The following BRCA2 variants were observed in gnomAD, a reference collection of about 807,000 sequenced individuals.
BRCA2 encodes the protein breast cancer type 2 susceptibility protein.
A neutral mutation model predicts 276.7 loss-of-function variants in BRCA2; 203 were observed. That is an observed-to-expected ratio of 0.73 (90% CI 0.65 to 0.82). The LOEUF is 0.82. Among genes scored for constraint, BRCA2 ranks in the 40% least tolerant of loss-of-function variants. BRCA2 has a pLI of 0.00. For missense variants in BRCA2, 3,920 were observed against 3,915.0 expected (o/e 1.00, Z -0.03); for synonymous variants, 1,289 against 1,338.4 (o/e 0.96, Z 0.81).
intron 16 of BRCA2, among the ~76,000 whole-genome samples, chr13:32,358,255 C>T (rs2072714652): frequency 6.6e-6 from 1 of 151,730 alleles, no homozygotes. Flanking sequence ...GCGGGTAGAT[C>T]ACCTGAGGTC....
intron 14 of BRCA2, among the ~76,000 whole-genome samples, chr13:32,355,807 G>A (rs554209012): frequency 3.3e-5 from 5 of 152,016 alleles, no homozygotes; most frequent in Admixed American, 1.3e-4. Flanking sequence ...TTGAACCCGG[G>A]AGGCAGAGGT....
At chr13:32,372,385 G>A (rs1252392675) in intron 20 of BRCA2, among the ~76,000 whole-genome samples, 2 of 152,192 alleles carry the variant, frequency 1.3e-5, no homozygotes, top group African/African-American at 4.8e-5. Flanking sequence ...CTAAAGGAAA[G>A]AAGCTTAATT....
intron 18 of BRCA2, among the ~76,000 whole-genome samples, chr13:32,364,219 T>C (rs2072765933): frequency 6.6e-6 from 1 of 152,198 alleles, no homozygotes; most frequent in Admixed American, 6.5e-5. Context: ...TTGCAGTGGC[T>C]TTCATTTTCT....
rs536781751 is a variant in BRCA2, at chr13:32,375,662, G to A, written c.8633-1008G>A. Among the ~76,000 whole-genome samples the A allele has an allele frequency of 2.1e-3, 312 of 151,404 alleles. 1 individual carries two copies. The highest frequency in any genetic ancestry group is 0.016 in the South Asian group (79 of 4,808). ...AGCAACCTCTGCCTCCCAGGTTCAAGCAATTCTCCTGCCTCAGCCTCCGGA... is the reference window on the plus strand; with the variant it reads ...AGCAACCTCTGCCTCCCAGGTTCAAACAATTCTCCTGCCTCAGCCTCCGGA... On this transcript the variant is annotated intron_variant, in intron 20 of 26. Coordinates refer to ENST00000380152, the MANE Select transcript of BRCA2 (RefSeq NM_000059.4).
chr13:32,325,962 T>G, intron 4 of BRCA2, 139 bp from the exon 5 acceptor site: 1 of 777,720 alleles, frequency 1.3e-6, no homozygotes, highest in South Asian at 1.9e-5. Flanking sequence ...GAGATTTACT[T>G]TTTAAAATGT....
At chr13:32,384,678 G>A in intron 24 of BRCA2, 1 of 230,504 alleles carries the variant, frequency 4.3e-6, no homozygotes, top group Non-Finnish European at 9.7e-6. Flanking sequence ...AAATGCTGAT[G>A]ATCATCAGGT....
In BRCA2 at chr13:32,377,318, G is replaced by A. The variant is rs559756056; in HGVS notation, c.8754+527G>A. On this transcript the variant is annotated intron_variant, in intron 21 of 26. Coordinates refer to ENST00000380152, the MANE Select transcript of BRCA2 (RefSeq NM_000059.4). ...ATGACAATAAAATAGCTGGCCAGGC[G>A]CGGTGGCTCACGCCTATAATCCCAG... 8.6e-4 allele frequency among the ~76,000 whole-genome samples: 131 copies of A among 152,252 alleles called. 1 individual carries two copies. Among genetic ancestry groups the A allele is most frequent in the Non-Finnish European group, 1.0e-3 (69 of 68,002 alleles).
intron 13 of BRCA2, among the ~76,000 whole-genome samples, chr13:32,353,730 A>G (rs569564161): frequency 1.3e-5 from 2 of 152,380 alleles, no homozygotes; most frequent in African/African-American, 2.4e-5. Context: ...ACGGATAACT[A>G]AAGGAACAAC....
At chr13:32,351,631 G>A (rs1343666303) in intron 13 of BRCA2, among the ~76,000 whole-genome samples, 1 of 152,034 alleles carries the variant, frequency 6.6e-6, no homozygotes, top group African/African-American at 2.4e-5. Flanking sequence ...TTTTCTGTAG[G>A]GGTACTTCAA....
rs786202002 is a variant in BRCA2, at chr13:32,341,079, G to A, written c.6724G>A (p.Asp2242Asn). 1.2e-6 allele frequency: 2 copies of A among 1,613,826 alleles called. No individual in the cohort carries two copies. The highest frequency in any genetic ancestry group is 1.3e-5 in the African/African-American group (1 of 74,922). Reference protein sequence around the residue: ...KAFMEDDELTDSKLPSHATHS... With the variant: ...KAFMEDDELTNSKLPSHATHS... ...TTTTATGGAAGATGATGAACTGACA[G>A]ATTCTAAACTGCCAAGTCATGCCAC... is the stretch of plus-strand genomic sequence containing the variant. The change falls in exon 11 of 27, where the codon GAT (aspartate) becomes AAT (asparagine). Residue 2242 changes from aspartate (D) to asparagine (N), a missense_variant. Transcript: ENST00000380152.
At chr13:32,356,344 A>G in intron 14 of BRCA2, 84 bp from the exon 15 acceptor site, 1 of 1,376,152 alleles carries the variant, frequency 7.3e-7, no homozygotes, top group East Asian at 2.3e-5. Flanking sequence ...TGCTGGGATT[A>G]CAGGCGTGAG....
rs1397915124 is a variant in BRCA2 at position 32,400,208 on chromosome 13, A to G, written c.*1438A>G. 2.0e-5 allele frequency: 3 copies of G among 152,196 alleles called. No individual in the cohort carries two copies. The highest frequency in any genetic ancestry group is 6.5e-5 in the Admixed American group (1 of 15,286). 9.4% of individuals were successfully genotyped at this position (152,196 alleles called of 1,614,324 possible). A position where few individuals can be genotyped will look rare whatever the true frequency, so the allele number is the denominator to read the frequency against. ...ATGCCTTAAATGTCTGTATAATATC[A>G]TGTTTTCAAATCTAATTATAAATAC... On this transcript the variant is annotated 3_prime_UTR_variant, in exon 27 of 27. Transcript: ENST00000380152.
intron 11 of BRCA2, among the ~76,000 whole-genome samples, chr13:32,342,589 T>C (rs1034021703): frequency 1.7e-4 from 26 of 152,278 alleles, no homozygotes; most frequent in South Asian, 1.2e-3. Flanking sequence ...CAAACCTAGG[T>C]GGTATAGCCT....
At position 32,332,675 on chromosome 13, in the gene BRCA2, C is replaced by T. The variant is rs377308954; in HGVS notation, c.1197C>T (p.Thr399=). The T allele has an allele frequency of 6.2e-7, 1 of 1,613,918 alleles. No individual in the cohort carries two copies. The highest frequency in any genetic ancestry group is 1.1e-5 in the South Asian group (1 of 91,000). The part of the protein sequence containing the change: ...PSLACEWSQL[T]LSGLNGAQME... ...TGGCCTGTGAATGGTCTCAACTAAC[C>T]CTTTCAGGTCTAAATGGAGCCCAGA... Residue 399 remains threonine, a synonymous_variant, in exon 10 of 27, where the codon ACC becomes ACT. Transcript: ENST00000380152.
Position 32,355,301 on chromosome 13 carries a change from A to G in BRCA2, c.7435+13A>G, listed in dbSNP as rs1279226532. The G allele has an allele frequency of 6.2e-7, 1 of 1,613,284 alleles. No homozygotes were observed. Among genetic ancestry groups the G allele is most frequent in the Non-Finnish European group, 8.5e-7 (1 of 1,179,622 alleles). ...GAAGAACCTTTAGGTATTGTATGAC[A>G]ATTTGTGTGATGAATTTTTGCCTTT... On this transcript the variant is annotated intron_variant, in intron 14 of 26. Transcript: ENST00000380152.
At chr13:32,326,385 G>C (rs2072347835) in intron 6 of BRCA2, 103 bp downstream of exon 6, 2 of 1,462,602 alleles carry the variant, frequency 1.4e-6, no homozygotes, top group Admixed American at 3.5e-5. Context: ...CTAGCATTCT[G>C]CCTCATACAG....
chr13:32,390,153 AC>A (rs1264134040), intron 24 of BRCA2, among the ~76,000 whole-genome samples: 1 of 152,204 alleles, frequency 6.6e-6, no homozygotes, highest in Non-Finnish European at 1.5e-5. Context: ...GAAGTCTTTA[AC>A]ACCCAGATCT....
At chr13:32,323,804 A>G (rs1245931084) in intron 3 of BRCA2, among the ~76,000 whole-genome samples, 2 of 152,242 alleles carry the variant, frequency 1.3e-5, no homozygotes, top group African/African-American at 4.8e-5. Context: ...CCAAATTTGT[A>G]GTTACCATCA....
chr13:32,355,984 A>T (rs910854655), intron 14 of BRCA2, among the ~76,000 whole-genome samples: 3 of 151,994 alleles, frequency 2.0e-5, no homozygotes, highest in African/African-American at 7.2e-5. Context: ...CTTTTTAGAG[A>T]AAAGGAGAGC....
Sources: allele counts gnomAD v4.1 joint callset (sites outside exome capture counted in the v4.1 genomes callset), GRCh38; gene constraint gnomAD v4.1.1; transcripts MANE v1.5; gene names NCBI Gene and HGNC (gene_info 2026-07-23, HGNC 2026-07-21).